Variants in NUP210 observed in about 807,000 individuals in gnomAD.
The protein encoded by NUP210 is nuclear pore membrane glycoprotein 210.
In NUP210, 151 loss-of-function variants were observed where a neutral mutation model predicts 196.0. The ratio of observed to expected loss-of-function variants is 0.77; its 90% CI spans 0.67 to 0.88. The LOEUF (loss-of-function observed/expected upper bound fraction) is 0.88. Among genes scored for constraint, NUP210 ranks in the 40% least tolerant of loss-of-function variants. The pLI, the probability that NUP210 is intolerant of heterozygous loss-of-function variation, is 0.00. For synonymous variants in NUP210, 1,070 were observed against 1,052.7 expected (o/e 1.02, Z -0.32); for missense variants, 2,314 against 2,493.7 (o/e 0.93, Z 1.53).
chr3:13,401,258 T>TTAAAAAAAAAAAA (rs1162470689), intron 1 of NUP210, among the ~76,000 whole-genome samples: 1 of 16,506 alleles, frequency 6.1e-5, no homozygotes, highest in Non-Finnish European at 1.0e-4. Context: ...AGACTCTGGC[T>TTAAAAAAAAAAAA]CAAAAAAAAA....
intron 15 of NUP210, 43 bp from the exon 16 acceptor site, chr3:13,358,438 C>G: frequency 1.3e-6 from 2 of 1,558,860 alleles, no homozygotes; most frequent in East Asian, 2.3e-5. Flanking sequence ...AGCTTGAGTT[C>G]TCACTCCTCT....
chr3:13,341,385 G>A (rs1333973068), intron 23 of NUP210, among the ~76,000 whole-genome samples: 1 of 152,182 alleles, frequency 6.6e-6, no homozygotes, highest in Admixed American at 6.5e-5. Flanking sequence ...AATGGTTAAG[G>A]AGTTCTTCTA....
rs1269150649 is a variant in NUP210, at chr3:13,376,306, G to A, written c.1278C>T (p.Thr426=). 1 of 1,613,880 alleles carries A rather than the reference G, an allele frequency of 6.2e-7. No homozygotes were observed. Among genetic ancestry groups the A allele is most frequent in the Non-Finnish European group, 8.5e-7 (1 of 1,180,036 alleles). Residue 426 remains threonine, a synonymous_variant, in exon 10 of 40, where the codon ACC becomes ACT. Transcript: ENST00000254508. ...RGQTAIDAAL[T]SVVDQDGGVH... ...ACCAACTTGCCTGGTCCACCACAGA[G>A]GTGAGGGCCGCGTCAATGGCCGTCT...
At chr3:13,349,275 C>A (rs1697881430) in intron 20 of NUP210, among the ~76,000 whole-genome samples, 1 of 152,214 alleles carries the variant, frequency 6.6e-6, no homozygotes, top group Non-Finnish European at 1.5e-5. Context: ...CTCCCTCACC[C>A]CCAGCTCTCG....
intron 8 of NUP210, among the ~76,000 whole-genome samples, chr3:13,378,338 T>C (rs1161820406): frequency 6.6e-6 from 1 of 152,172 alleles, no homozygotes; most frequent in Non-Finnish European, 1.5e-5. Context: ...CCCTCCCAGG[T>C]TCTCAGTCCC....
Position 13,399,848 on chromosome 3 carries a change from G to T in NUP210, c.181C>A (p.Pro61Thr), listed in dbSNP as rs780319238. ...EGCYRWLSTR[P>T]EVASIEPLGL... ...AGCGGCTCGATGCTGGCCACCTCCG[G>T]CCGGGTGGACAACCTGCAGTGGAAG... is the stretch of plus-strand genomic sequence containing the variant. Residue 61 changes from proline to threonine, a missense_variant, in exon 2 of 40, where the codon CCG becomes ACG. Physicochemically the swap from Pro to Thr is conservative, Grantham distance 38. Coordinates refer to ENST00000254508, the MANE Select transcript of NUP210 (RefSeq NM_024923.4). The T allele has an allele frequency of 6.2e-7, 1 of 1,608,764 alleles. No homozygotes were observed. The highest frequency in any genetic ancestry group is 8.5e-7 in the Non-Finnish European group (1 of 1,177,274).
chr3:13,339,702 G>A lies in NUP210; in HGVS notation c.3471+152C>T, dbSNP rs1157167051. 2.6e-5 allele frequency: 18 copies of A among 695,022 alleles called. No homozygotes were observed. In the Admixed American group the frequency reaches 4.0e-4, roughly 15 times the overall value. The allele number at this position is 695,022 out of a possible 1,614,324, so 43.1% of individuals were successfully genotyped here. On this transcript the variant is annotated intron_variant, in intron 25 of 39. Transcript: ENST00000254508. ...TGGGTGCTCCCATATTGGCAGGGCT[G>A]TCCTGCACCAGGGCCCCTGCAGTGA...
intron 1 of NUP210, 109 bp downstream of exon 1, chr3:13,419,951 C>T (rs1190873245): frequency 2.6e-5 from 17 of 657,526 alleles, no homozygotes; most frequent in Non-Finnish European, 3.1e-5. Flanking sequence ...CCAGCGAGAG[C>T]GCGCCGCGCA....
chr3:13,385,772 C>T (rs575164783), intron 6 of NUP210, among the ~76,000 whole-genome samples: 1 of 152,264 alleles, frequency 6.6e-6, no homozygotes, highest in African/African-American at 2.4e-5. Flanking sequence ...TGGAAGCAAC[C>T]CAAGTGTCTG....
chr3:13,408,045 G>A (rs1700053762), intron 1 of NUP210, among the ~76,000 whole-genome samples: 1 of 152,114 alleles, frequency 6.6e-6, no homozygotes, highest in African/African-American at 2.4e-5. Flanking sequence ...ATCACTGAGG[G>A]GGCACTGTGC....
intron 12 of NUP210, 43 bp from the exon 13 acceptor site, chr3:13,372,075 G>T: frequency 6.8e-7 from 1 of 1,479,980 alleles, no homozygotes; most frequent in South Asian, 1.3e-5. Context: ...GCCTCCACAG[G>T]AGAGGCAGGG....
intron 6 of NUP210, among the ~76,000 whole-genome samples, chr3:13,381,011 C>T (rs1319131189): frequency 6.6e-6 from 1 of 152,238 alleles, no homozygotes. Flanking sequence ...CTCCAGCAAG[C>T]TTTGTTTTCA....
intron 20 of NUP210, among the ~76,000 whole-genome samples, chr3:13,345,587 G>T (rs543237150): frequency 1.3e-5 from 2 of 152,222 alleles, no homozygotes; most frequent in African/African-American, 4.8e-5. Context: ...CACACCACCC[G>T]TGTAATGATG....
intron 20 of NUP210, 39 bp from the exon 21 acceptor site, chr3:13,343,342 G>GGGGGGGGGGGGGGGGGGGGGGC: frequency 1.5e-6 from 1 of 655,992 alleles, no homozygotes; most frequent in Non-Finnish European, 2.5e-6. Flanking sequence ...TGGGTGGTGG[G>GGGGGGGGGGGGGGGGGGGGGGC]TTACGCAGCT....
At chr3:13,408,236 A>G (rs1170033847) in intron 1 of NUP210, among the ~76,000 whole-genome samples, 1 of 152,128 alleles carries the variant, frequency 6.6e-6, no homozygotes, top group Non-Finnish European at 1.5e-5. Flanking sequence ...AGATCATGAT[A>G]TATTAGTCTT....
intron 29 of NUP210, among the ~76,000 whole-genome samples, chr3:13,331,848 A>G (rs1167934516): frequency 2.6e-5 from 4 of 152,178 alleles, no homozygotes; most frequent in Non-Finnish European, 5.9e-5. Context: ...CCCAAGCGTT[A>G]CTGTGCGGCC....
intron 15 of NUP210, 42 bp from the exon 16 acceptor site, chr3:13,358,437 T>A: frequency 6.4e-7 from 1 of 1,559,808 alleles, no homozygotes; most frequent in African/African-American, 1.3e-5. Context: ...AAGCTTGAGT[T>A]CTCACTCCTC....
chr3:13,354,059 C>G lies in NUP210; in HGVS notation c.2377G>C (p.Asp793His). Residue 793 changes from aspartate (D) to histidine (H), a missense_variant, in exon 17 of 40, where the codon GAC (aspartate) becomes CAC (histidine). Coordinates refer to ENST00000254508, the MANE Select transcript of NUP210 (RefSeq NM_024923.4). Reference sequence around the variant, plus strand: ...TTGTCGAACCGGCGGCCCTCCTGGTCGTAAGCAGCCAGGTCCAGCCGGGGG... The same window carrying G: ...TTGTCGAACCGGCGGCCCTCCTGGTGGTAAGCAGCCAGGTCCAGCCGGGGG... ...RNPRLDLAAYDQEGRRFDNFS... is the reference protein window; with the variant it reads ...RNPRLDLAAYHQEGRRFDNFS... 4 of 1,604,126 alleles carry G rather than the reference C, an allele frequency of 2.5e-6. No individual in the cohort carries two copies. The highest frequency in any genetic ancestry group is 1.7e-5 in the Admixed American group (1 of 58,834).
chr3:13,383,516 C>CTTTTTTTT (rs3032854), intron 6 of NUP210, among the ~76,000 whole-genome samples: 21 of 70,940 alleles, frequency 3.0e-4, no homozygotes, highest in African/African-American at 3.7e-4. Flanking sequence ...AGAGTGAGCT[C>CTTTTTTTT]TTTTTTTTTT....
Sources: allele counts gnomAD v4.1 joint callset (sites outside exome capture counted in the v4.1 genomes callset), GRCh38; gene constraint gnomAD v4.1.1; transcripts MANE v1.5; gene names NCBI Gene and HGNC (gene_info 2026-07-23, HGNC 2026-07-21).